GMDS: variants seen among roughly 807,000 people sequenced by gnomAD.
GMDS encodes the protein GDP-mannose 4,6-dehydratase, also known as GDP-mannose 4,6 dehydratase.
A neutral mutation model predicts 49.9 loss-of-function variants in GMDS; 20 were observed. That is an observed-to-expected ratio of 0.40 (90% confidence interval 0.28 to 0.58). The LOEUF (loss-of-function observed/expected upper bound fraction) is 0.58. Ranked by LOEUF, GMDS falls within the 20% of genes least tolerant of loss-of-function variation. The pLI, the probability that GMDS is intolerant of heterozygous loss-of-function variation, is 0.42. For synonymous variants in GMDS, 177 were observed against 178.6 expected (o/e 0.99, Z 0.07); for missense variants, 362 against 481.4 (o/e 0.75, Z 2.32).
chr6:1,662,719 G>T (rs1360929485), intron 9 of GMDS, among the ~76,000 whole-genome samples: 1 of 152,128 alleles, frequency 6.6e-6, no homozygotes, highest in African/African-American at 2.4e-5. Flanking sequence ...TCTCAACAAA[G>T]ATGAGCTGAA....
intron 9 of GMDS, among the ~76,000 whole-genome samples, chr6:1,649,916 GT>G (rs1398035879): frequency 6.6e-6 from 1 of 152,188 alleles, no homozygotes; most frequent in Non-Finnish European, 1.5e-5. Flanking sequence ...AAATCCCTCT[GT>G]CAAGAGAGGC....
At chr6:1,884,736 A>G (rs1324483398) in intron 7 of GMDS, among the ~76,000 whole-genome samples, 4 of 152,220 alleles carry the variant, frequency 2.6e-5, no homozygotes, top group African/African-American at 9.6e-5. Flanking sequence ...TGGGCAGTAT[A>G]TTTAAAAAGG....
At chr6:1,855,616 A>G (rs1411926841) in intron 7 of GMDS, among the ~76,000 whole-genome samples, 1 of 152,218 alleles carries the variant, frequency 6.6e-6, no homozygotes, top group Non-Finnish European at 1.5e-5. Context: ...CAGAGGAAAA[A>G]GAACTCAAAG....
intron 8 of GMDS, among the ~76,000 whole-genome samples, chr6:1,735,279 C>T (rs1030850418): frequency 6.6e-6 from 1 of 152,216 alleles, no homozygotes; most frequent in Non-Finnish European, 1.5e-5. Flanking sequence ...ACCAAGCACC[C>T]GCTAGGTGCC....
chr6:1,732,562 C>T (rs753966884), intron 8 of GMDS, among the ~76,000 whole-genome samples: 1 of 152,090 alleles, frequency 6.6e-6, no homozygotes, highest in Admixed American at 6.5e-5. Flanking sequence ...AAATCAGTAA[C>T]GACATGTTAT....
At chr6:1,706,978 A>G (rs1291002003) in intron 9 of GMDS, among the ~76,000 whole-genome samples, 1 of 152,214 alleles carries the variant, frequency 6.6e-6, no homozygotes, top group Admixed American at 6.5e-5. Flanking sequence ...GAAGGCAAGG[A>G]AGCATTTGGC....
intron 7 of GMDS, among the ~76,000 whole-genome samples, chr6:1,896,281 T>C (rs897130613): frequency 3.9e-5 from 6 of 152,180 alleles, no homozygotes; most frequent in Non-Finnish European, 8.8e-5. Context: ...TTGGAAACGT[T>C]CCCTGGGGGC....
chr6:1,879,258 C>A (rs550417911), intron 7 of GMDS, among the ~76,000 whole-genome samples: 4 of 152,086 alleles, frequency 2.6e-5, no homozygotes, highest in African/African-American at 9.6e-5. Flanking sequence ...TATTTACATA[C>A]AAGTGAGGAG....
chr6:1,742,686 C>T lies in GMDS; in HGVS notation c.772-100G>A, dbSNP rs1581535722. On this transcript the variant is annotated intron_variant, in intron 7 of 10. Coordinates refer to ENST00000380815, the MANE Select transcript of GMDS (RefSeq NM_001500.4). ...CAGATATGGACATCGACAGCTGGAA[C>T]ATGAGCATGAATTTCATAGCATATT... 3.3e-5 allele frequency: 22 copies of T among 665,872 alleles called. No individual in the cohort carries two copies. The East Asian group carries it at 5.9e-4, about 18-fold the overall frequency. 41.2% of individuals were successfully genotyped at this position (665,872 alleles called of 1,614,324 possible).
intron 4 of GMDS, among the ~76,000 whole-genome samples, chr6:2,067,770 T>C: frequency 6.8e-6 from 1 of 147,526 alleles, no homozygotes; most frequent in Non-Finnish European, 1.5e-5. Context: ...GTGGCAATAA[T>C]CAATAGCTTA....
At chr6:1,718,298 A>T (rs1766243294) in intron 9 of GMDS, among the ~76,000 whole-genome samples, 1 of 152,068 alleles carries the variant, frequency 6.6e-6, no homozygotes, top group African/African-American at 2.4e-5. Flanking sequence ...AGATATCCCG[A>T]AGGCACCGGG....
At chr6:1,966,770 A>G (rs1764282235) in intron 4 of GMDS, among the ~76,000 whole-genome samples, 1 of 152,106 alleles carries the variant, frequency 6.6e-6, no homozygotes, top group Non-Finnish European at 1.5e-5. Flanking sequence ...CTTCTTTCCC[A>G]TGGCCCCTCC....
At chr6:1,805,971 G>T (rs1770159860) in intron 7 of GMDS, among the ~76,000 whole-genome samples, 1 of 152,094 alleles carries the variant, frequency 6.6e-6, no homozygotes, top group Admixed American at 6.6e-5. Context: ...ATGTAATTGT[G>T]GTAAGTATAT....
intron 4 of GMDS, among the ~76,000 whole-genome samples, chr6:2,105,810 T>C (rs1774212023): frequency 6.6e-6 from 1 of 152,342 alleles, no homozygotes; most frequent in Admixed American, 6.5e-5. Context: ...AGTGCGAAAC[T>C]GCTGCCTCTT....
chr6:2,196,873 G>A (rs150896337), intron 1 of GMDS, among the ~76,000 whole-genome samples: 148 of 152,258 alleles, frequency 9.7e-4, no homozygotes, highest in African/African-American at 3.3e-3. Context: ...TTATCTTCAA[G>A]CTTACTAGCC....
At chr6:1,879,918 G>T (rs1354483777) in intron 7 of GMDS, among the ~76,000 whole-genome samples, 1 of 152,134 alleles carries the variant, frequency 6.6e-6, no homozygotes, top group African/African-American at 2.4e-5. Context: ...TACACTGCAA[G>T]AACACATGAC....
intron 4 of GMDS, among the ~76,000 whole-genome samples, chr6:2,069,262 C>A (rs549833354): frequency 6.6e-6 from 1 of 152,084 alleles, no homozygotes; most frequent in East Asian, 1.9e-4. Flanking sequence ...ATACAAAAAT[C>A]AATTCAAGAT....
chr6:2,185,088 C>T (rs1218430276), intron 1 of GMDS, among the ~76,000 whole-genome samples: 7 of 152,346 alleles, frequency 4.6e-5, no homozygotes, highest in African/African-American at 1.7e-4. Context: ...GCCGACAAGG[C>T]AAAGCCAGCT....
At chr6:2,085,636 C>T (rs1190137077) in intron 4 of GMDS, among the ~76,000 whole-genome samples, 1 of 151,962 alleles carries the variant, frequency 6.6e-6, no homozygotes, top group African/African-American at 2.4e-5. Flanking sequence ...CTCAAGTGAT[C>T]CTCTCACTTC....
Sources: gnomAD v4.1 joint callset for allele counts (sites outside exome capture counted in the v4.1 genomes callset) on GRCh38, gnomAD v4.1.1 for gene constraint, MANE v1.5 for transcripts, NCBI Gene and HGNC (gene_info 2026-07-23, HGNC 2026-07-21) for gene names.